The following PARP4 variants were observed in gnomAD, a reference collection of about 807,000 sequenced individuals.
PARP4 encodes the protein protein mono-ADP-ribosyltransferase PARP4.
Under a neutral mutation model 187.7 loss-of-function variants are expected in PARP4, and 120 were observed. The observed-to-expected ratio is 0.64, with a 90% CI of 0.55 to 0.74. The LOEUF (loss-of-function observed/expected upper bound fraction) is 0.74, where lower values mean the gene tolerates loss of function less well. Ranked by LOEUF, PARP4 falls within the 30% of genes least tolerant of loss-of-function variation. The pLI is 0.00. For synonymous variants in PARP4, 654 were observed against 740.9 expected (o/e 0.88, Z 1.90); for missense variants, 1,836 against 2,070.5 (o/e 0.89, Z 2.20).
chr13:24,505,751 G>A (rs1199854945), intron 1 of PARP4, among the ~76,000 whole-genome samples: 1 of 152,216 alleles, frequency 6.6e-6, no homozygotes, highest in Non-Finnish European at 1.5e-5. Flanking sequence ...ACTGGTATTT[G>A]TCAATTTTTA....
At chr13:24,486,802 A>G (rs1481857072) in intron 10 of PARP4, among the ~76,000 whole-genome samples, 3 of 152,160 alleles carry the variant, frequency 2.0e-5, no homozygotes, top group Non-Finnish European at 4.4e-5. Flanking sequence ...AAATACAAAA[A>G]TTAGCAGGGC....
At chr13:24,499,564 G>T (rs111684821) in intron 4 of PARP4, among the ~76,000 whole-genome samples, 188 bp from the exon 5 acceptor site, 16,494 of 152,132 alleles carry the variant, frequency 0.11, 973 homozygotes, top group African/African-American at 0.12. Flanking sequence ...AAAGATCATT[G>T]GAAATGAGCT....
intron 33 of PARP4, 94 bp downstream of exon 33, chr13:24,426,372 A>G (rs993527187): frequency 2.2e-6 from 2 of 905,722 alleles, no homozygotes; most frequent in Non-Finnish European, 3.4e-6. Flanking sequence ...TATAGTGTAC[A>G]CATGTAAGAT....
intron 24 of PARP4, among the ~76,000 whole-genome samples, chr13:24,450,086 G>C (rs538208027): frequency 6.6e-6 from 1 of 152,016 alleles, no homozygotes; most frequent in Non-Finnish European, 1.5e-5. Context: ...CCTGAGGGAG[G>C]GAGTAGATGA....
chr13:24,505,003 CTTTT>C (rs34271210), intron 1 of PARP4, among the ~76,000 whole-genome samples: 13 of 129,760 alleles, frequency 1.0e-4, no homozygotes, highest in Admixed American at 1.6e-4. Context: ...CACACCCCCG[CTTTT>C]TTTTTTTTTT....
intron 32 of PARP4, among the ~76,000 whole-genome samples, chr13:24,429,758 A>G (rs562436679): frequency 5.8e-4 from 89 of 152,314 alleles, no homozygotes; most frequent in African/African-American, 2.1e-3. Flanking sequence ...TGTAGAGGTT[A>G]GGAGACAGCC....
At chr13:24,451,864 A>G (rs1293446912) in intron 24 of PARP4, 1 of 152,792 alleles carries the variant, frequency 6.5e-6, no homozygotes, top group Non-Finnish European at 1.5e-5. Flanking sequence ...CTCTCATGGA[A>G]AGCTTCTATG....
At chr13:24,452,294 G>A (rs1871561036) in intron 24 of PARP4, 112 bp downstream of exon 24, 8 of 867,342 alleles carry the variant, frequency 9.2e-6, no homozygotes, top group Non-Finnish European at 1.4e-5. Flanking sequence ...CCTCTATGCT[G>A]TAAGGCTTCT....
chr13:24,437,800 G>A (rs7337082), intron 30 of PARP4, among the ~76,000 whole-genome samples: 6,967 of 140,618 alleles, frequency 0.05, 474 homozygotes, highest in African/African-American at 0.16. Flanking sequence ...GATAGAGCCT[G>A]TGAATAGTCA....
intron 17 of PARP4, 142 bp downstream of exon 17, chr13:24,468,882 C>A: frequency 1.6e-6 from 1 of 621,304 alleles, no homozygotes; most frequent in Non-Finnish European, 2.8e-6. Context: ...GGCGTGGCTT[C>A]CCCTTACTCA....
intron 24 of PARP4, 160 bp downstream of exon 24, chr13:24,452,246 A>G (rs1871558007): frequency 5.0e-6 from 3 of 599,602 alleles, no homozygotes; most frequent in Non-Finnish European, 8.7e-6. Flanking sequence ...CCAGGTTCTG[A>G]GACTCAGGCA....
chr13:24,429,508 A>C (rs1870226165), intron 32 of PARP4, among the ~76,000 whole-genome samples: 1 of 152,158 alleles, frequency 6.6e-6, no homozygotes, highest in South Asian at 2.1e-4. Flanking sequence ...TTTAGGCTTT[A>C]TTAGGATGGG....
chr13:24,460,213 T>A, intron 17 of PARP4, 77 bp from the exon 18 acceptor site: 1 of 1,250,914 alleles, frequency 8.0e-7, no homozygotes, highest in Non-Finnish European at 1.1e-6. Context: ...ACGTACTTCT[T>A]AAGCAACTTG....
At chr13:24,456,316 T>C in intron 21 of PARP4, 25 bp downstream of exon 21, 1 of 1,570,752 alleles carries the variant, frequency 6.4e-7, no homozygotes, top group Non-Finnish European at 8.7e-7. Flanking sequence ...TAGTGTCTCC[T>C]ATGTCTAAGT....
chr13:24,449,904 CAATAGGAGAGACA>C (rs1403530319), intron 24 of PARP4, 87 bp from the exon 25 acceptor site: 2 of 743,012 alleles, frequency 2.7e-6, no homozygotes, highest in Non-Finnish European at 4.7e-6. Context: ...GCTCACAACT[CAATAGGAGAGACA>C]TGACGTGGGG....
intron 17 of PARP4, among the ~76,000 whole-genome samples, chr13:24,464,852 C>A (rs1207488198): frequency 6.6e-6 from 1 of 151,936 alleles, no homozygotes; most frequent in East Asian, 1.9e-4. Context: ...GCAGAGCGAC[C>A]AGACAACCTA....
intron 5 of PARP4, 39 bp downstream of exon 5, chr13:24,499,262 T>G (rs542558120): frequency 1.5e-4 from 41 of 281,726 alleles, no homozygotes; most frequent in Non-Finnish European, 1.7e-4. Context: ...AACAGGTGTG[T>G]TTTTTTTTTT....
chr13:24,478,978 A>G (rs1873125211), intron 12 of PARP4, among the ~76,000 whole-genome samples: 1 of 152,232 alleles, frequency 6.6e-6, no homozygotes, highest in Non-Finnish European at 1.5e-5. Context: ...AGGAATAAGA[A>G]CCGTGGGTAC....
At position 24,503,715 on chromosome 13, in the gene PARP4, T is replaced by C; in HGVS notation, c.62A>G (p.Gln21Arg). The change falls in exon 2 of 34, where the codon CAG (glutamine) becomes CGG (arginine). Residue 21 changes from glutamine (Q) to arginine (R), a missense_variant. By Grantham distance (43) the Gln-to-Arg change is conservative. Transcript: ENST00000381989. ...FCLKVKYLPQ[Q>R]QKKKLQTDIK... Reference sequence around the variant, plus strand: ...GTCAGTTTGTAGCTTTTTCTTCTGCTGCTGAGGTAAGTACTTCACTTTCAA... The same window carrying C: ...GTCAGTTTGTAGCTTTTTCTTCTGCCGCTGAGGTAAGTACTTCACTTTCAA... The C allele has an allele frequency of 1.2e-6, 2 of 1,613,994 alleles. No individual in the cohort carries two copies. Among genetic ancestry groups the C allele is most frequent in the South Asian group, 2.2e-5 (2 of 91,082 alleles).
Sources: allele counts gnomAD v4.1 joint callset (sites outside exome capture counted in the v4.1 genomes callset), GRCh38; gene constraint gnomAD v4.1.1; transcripts MANE v1.5; gene names NCBI Gene and HGNC (gene_info 2026-07-23, HGNC 2026-07-21).